Variants in ZNF837 observed in about 807,000 individuals in gnomAD.
ZNF837 encodes the protein zinc finger protein 837.
For synonymous variants in ZNF837, 475 were observed against 365.2 expected, an observed-to-expected ratio of 1.30 and a Z score of -3.43; for missense variants, 955 against 801.7, an observed-to-expected ratio of 1.19 and a Z score of -2.31.
chr19:58,367,750 C>A lies in ZNF837; in HGVS notation c.1583G>T (p.Arg528Leu). ...GGCTCCCTGCAGTCAAGGCGCGGCG[C>A]GGCCCCCGTGCCGCTTCCGGTGCTC... is the stretch of plus-strand genomic sequence containing the variant. The part of the protein sequence containing the change: ...LNEHRKRHGG[R>L]AAP The change falls in exon 3 of 3, where the codon CGC becomes CTC. Residue 528 changes from arginine to leucine, a missense_variant. Physicochemically the swap from Arg to Leu is moderately radical, Grantham distance 102. Transcript: ENST00000597582. 6.5e-7 allele frequency: 1 copy of A among 1,526,800 alleles called. No individual in the cohort carries two copies. The highest frequency in any genetic ancestry group is 8.8e-7 in the Non-Finnish European group (1 of 1,142,684). 94.6% of individuals were successfully genotyped at this position (1,526,800 alleles called of 1,614,324 possible).
Position 58,368,748 on chromosome 19 carries a change from C to G in ZNF837, c.585G>C (p.Glu195Asp), listed in dbSNP as rs1282789677. The G allele has an allele frequency of 2.6e-6, 4 of 1,539,450 alleles. No homozygotes were observed. The African/African-American group carries it at 5.5e-5, about 21-fold the overall frequency. Residue 195 changes from glutamate (E) to aspartate (D), a missense_variant, in exon 3 of 3, where the codon GAG (glutamate) becomes GAC (aspartate). Glu to Asp is a conservative substitution (Grantham distance 45). Coordinates refer to ENST00000597582, the MANE Select transcript of ZNF837 (RefSeq NM_138466.2). The part of the protein sequence containing the change: ...PTSRGRNPLV[E>D]QPRACACGEA... ...CGCCGCACGCGCAAGCCCGGGGCTG[C>G]TCCACCAAGGGGTTCCTCCCGCGGG...
intron 1 of ZNF837, among the ~76,000 whole-genome samples, chr19:58,374,079 C>T (rs1189060495): frequency 6.6e-6 from 1 of 152,204 alleles, no homozygotes; most frequent in African/African-American, 2.4e-5. Flanking sequence ...ACAGAACACA[C>T]TCCCACCTGG....
intron 1 of ZNF837, among the ~76,000 whole-genome samples, chr19:58,376,917 TAAA>T (rs34562043): frequency 6.5e-5 from 9 of 138,816 alleles, no homozygotes; most frequent in Non-Finnish European, 7.8e-5. Flanking sequence ...CTGTCTCTAT[TAAA>T]AAAAAAAAAA....
Position 58,368,977 on chromosome 19 carries a change from G to T in ZNF837, c.356C>A (p.Ala119Glu). 6.5e-7 allele frequency: 1 copy of T among 1,531,174 alleles called. No individual in the cohort carries two copies. Among genetic ancestry groups the T allele is most frequent in the Non-Finnish European group, 8.8e-7 (1 of 1,135,682 alleles). The allele number at this position is 1,531,174 out of a possible 1,614,324, so 94.8% of individuals were successfully genotyped here. ...GTTCCTGCTGCAGTCCCCGCCACGC[G>T]CTGGGCTCCTACAGGGGCCCTCCCG... ...QAREGPCRSPARGGDCSRNSC... is the reference protein window; with the variant it reads ...QAREGPCRSPERGGDCSRNSC... Residue 119 changes from alanine (A) to glutamate (E), a missense_variant, in exon 3 of 3, where the codon GCG (alanine) becomes GAG (glutamate). Transcript: ENST00000597582.
rs1370753752 is a variant in ZNF837, at chr19:58,367,952, C to G, written c.1381G>C (p.Glu461Gln). Residue 461 changes from glutamate (E) to glutamine (Q), a missense_variant, in exon 3 of 3, where the codon GAG (glutamate) becomes CAG (glutamine). Transcript: ENST00000597582. ...TGCAGGCGCTCGTGCTGGCGCAGCT[C>G]GGAGCAGCCGCGGAAGGTCTTTCCG... ...ECGKTFRGCS[E>Q]LRQHERLHSG... The G allele has an allele frequency of 5.2e-6, 8 of 1,532,474 alleles. No homozygotes were observed. Among genetic ancestry groups the G allele is most frequent in the East Asian group, 2.5e-5 (1 of 40,696 alleles). 94.9% of individuals were successfully genotyped at this position (1,532,474 alleles called of 1,614,324 possible).
At position 58,367,643 on chromosome 19, in the gene ZNF837, C is replaced by A; in HGVS notation, c.*94G>T. 1 of 1,408,660 alleles carries A rather than the reference C, an allele frequency of 7.1e-7. No individual in the cohort carries two copies. The highest frequency in any genetic ancestry group is 1.5e-5 in the South Asian group (1 of 66,920). The allele number at this position is 1,408,660 out of a possible 1,614,324, so 87.3% of individuals were successfully genotyped here. A position where few individuals can be genotyped will look rare whatever the true frequency, so the allele number is the denominator to read the frequency against. On this transcript the variant is annotated 3_prime_UTR_variant, in exon 3 of 3. Coordinates refer to ENST00000597582, the MANE Select transcript of ZNF837 (RefSeq NM_138466.2). ...CCATGTGTACAAAGTGAAGTTTAAT[C>A]AAAGTTACAAACGTTGGTGGGTTTT... is the stretch of plus-strand genomic sequence containing the variant.
Position 58,369,094 on chromosome 19 carries a change from T to A in ZNF837, c.239A>T (p.His80Leu), listed in dbSNP as rs2052175427. 6.6e-7 allele frequency: 1 copy of A among 1,510,070 alleles called. No individual in the cohort carries two copies. Among genetic ancestry groups the A allele is most frequent in the Non-Finnish European group, 8.9e-7 (1 of 1,129,444 alleles). The allele number at this position is 1,510,070 out of a possible 1,614,324, so 93.5% of individuals were successfully genotyped here. A position where few individuals can be genotyped will look rare whatever the true frequency, so the allele number is the denominator to read the frequency against. The change falls in exon 3 of 3, where the codon CAC becomes CTC. Residue 80 changes from histidine to leucine, a missense_variant. By Grantham distance (99) the His-to-Leu change is moderately conservative. Coordinates refer to ENST00000597582, the MANE Select transcript of ZNF837 (RefSeq NM_138466.2). The part of the protein sequence containing the change: ...LGVSPGPGTR[H>L]SAGTRPLVRE... ...CACGAGGGGTCTGGTCCCGGCGCTG[T>A]GCCGGGTCCCCGGGCCGGGGCTCAC...
intron 1 of ZNF837, among the ~76,000 whole-genome samples, chr19:58,371,240 CAAAA>C (rs369666456): frequency 1.0e-5 from 1 of 99,622 alleles, no homozygotes; most frequent in Admixed American, 1.1e-4. Context: ...GACTCTGTCT[CAAAA>C]AAAAAAAAAA....
intron 1 of ZNF837, among the ~76,000 whole-genome samples, chr19:58,371,154 T>C (rs2122122575): frequency 6.7e-6 from 1 of 149,382 alleles, no homozygotes; most frequent in African/African-American, 2.5e-5. Flanking sequence ...GGCAGGAGAC[T>C]GGTGTGAACC....
At position 58,367,687 on chromosome 19, in the gene ZNF837, C is replaced by T; in HGVS notation, c.*50G>A. On this transcript the variant is annotated 3_prime_UTR_variant, in exon 3 of 3. Transcript: ENST00000597582. ...GGGTTTTCCGGGACAAAGGCCCCTC[C>T]TCGACGCAGGGTTCGCTTGGGCGAC... The T allele has an allele frequency of 6.9e-7, 1 of 1,447,752 alleles. No homozygotes were observed. The highest frequency in any genetic ancestry group is 1.4e-5 in the South Asian group (1 of 71,082). The allele number at this position is 1,447,752 out of a possible 1,614,324, so 89.7% of individuals were successfully genotyped here.
chr19:58,369,186 G>A lies in ZNF837; in HGVS notation c.147C>T (p.Asp49=). The stretch of plus-strand genomic sequence containing the variant: ...TCCTACCGCCCGCCGCTCCACGCAG[G>A]TCCCCCTTTTGAGTGGGGCGGCTCC... ...RAGSRPTQKG[D]LRGAAGGRTT... Residue 49 remains aspartate (D), a synonymous_variant, in exon 3 of 3, where the codon GAC becomes GAT. Coordinates refer to ENST00000597582, the MANE Select transcript of ZNF837 (RefSeq NM_138466.2). The A allele has an allele frequency of 6.9e-7, 1 of 1,450,214 alleles. No individual in the cohort carries two copies. The highest frequency in any genetic ancestry group is 1.4e-5 in the South Asian group (1 of 69,776). The allele number at this position is 1,450,214 out of a possible 1,614,324, so 89.8% of individuals were successfully genotyped here. A position where few individuals can be genotyped will look rare whatever the true frequency, so the allele number is the denominator to read the frequency against.
intron 1 of ZNF837, among the ~76,000 whole-genome samples, chr19:58,372,976 A>T (rs1282440596): frequency 1.3e-5 from 2 of 152,158 alleles, no homozygotes; most frequent in Non-Finnish European, 2.9e-5. Flanking sequence ...CAGGCCAGGC[A>T]TTTGCTAATA....
rs192381116 is a variant in ZNF837, at chr19:58,369,283, T to G, written c.50A>C (p.Asp17Ala). 7.1e-7 allele frequency: 1 copy of G among 1,406,566 alleles called. No individual in the cohort carries two copies. The highest frequency in any genetic ancestry group is 1.5e-5 in the African/African-American group (1 of 65,672). The allele number at this position is 1,406,566 out of a possible 1,614,324, so 87.1% of individuals were successfully genotyped here. A position where few individuals can be genotyped will look rare whatever the true frequency, so the allele number is the denominator to read the frequency against. Residue 17 changes from aspartate to alanine, a missense_variant, in exon 3 of 3, where the codon GAT (aspartate) becomes GCT (alanine). Asp to Ala is a moderately radical substitution (Grantham distance 126). Transcript: ENST00000597582. ...CCGGGCCCCGGAGGCACCCTGGGCA[T>G]CGGCCTTGGGGAGTCCTCCCTGCCC... is the stretch of plus-strand genomic sequence containing the variant. ...KAGQGGLPKA[D>A]AQGASGAREK... is the part of the protein sequence containing the mutation.
chr19:58,371,717 T>C (rs2052203745), intron 1 of ZNF837, among the ~76,000 whole-genome samples: 1 of 151,912 alleles, frequency 6.6e-6, no homozygotes, highest in African/African-American at 2.4e-5. Context: ...TCTTATTTTA[T>C]TTTATTTATT....
intron 1 of ZNF837, among the ~76,000 whole-genome samples, chr19:58,380,316 T>G (rs2052279646): frequency 6.6e-6 from 1 of 152,238 alleles, no homozygotes; most frequent in South Asian, 2.1e-4. Flanking sequence ...ATTAGCAAGC[T>G]TCAACCCTCG....
At chr19:58,375,803 T>G (rs10407096) in intron 1 of ZNF837, among the ~76,000 whole-genome samples, 60,683 of 150,984 alleles carry the variant, frequency 0.4, 12,639 homozygotes, top group Middle Eastern at 0.52. Context: ...CAGTGCTCCT[T>G]CCTGCAGCCT....
chr19:58,371,712 TTTTA>T (rs1395587751), intron 1 of ZNF837, among the ~76,000 whole-genome samples: 1 of 151,652 alleles, frequency 6.6e-6, no homozygotes, highest in Non-Finnish European at 1.5e-5. Flanking sequence ...TATCCTCTTA[TTTTA>T]TTTTATTTAT....
At chr19:58,372,828 A>C (rs2052213390) in intron 1 of ZNF837, among the ~76,000 whole-genome samples, 1 of 152,348 alleles carries the variant, frequency 6.6e-6, no homozygotes, top group South Asian at 2.1e-4. Flanking sequence ...ACAAAAATGC[A>C]GAGTTGGACA....
In ZNF837 at chr19:58,369,216, T is replaced by G. The variant is rs1203635446; in HGVS notation, c.117A>C (p.Arg39=). 2 of 1,439,046 alleles carry G rather than the reference T, an allele frequency of 1.4e-6. No homozygotes were observed. Among genetic ancestry groups the G allele is most frequent in the Non-Finnish European group, 1.8e-6 (2 of 1,098,786 alleles). The allele number at this position is 1,439,046 out of a possible 1,614,324, so 89.1% of individuals were successfully genotyped here. Residue 39 remains arginine (R), a synonymous_variant, in exon 3 of 3, where the codon CGA becomes CGC. Transcript: ENST00000597582. ...PEEPRPLEED[R]AGSRPTQKGD... is the part of the protein sequence containing the mutation. ...CCTTTTGAGTGGGGCGGCTCCCAGCTCGGTCCTCTTCGAGGGGCCTCGGCT... is the reference window on the plus strand; with the variant it reads ...CCTTTTGAGTGGGGCGGCTCCCAGCGCGGTCCTCTTCGAGGGGCCTCGGCT...
Sources: gnomAD v4.1 joint callset for allele counts (sites outside exome capture counted in the v4.1 genomes callset) on GRCh38, gnomAD v4.1.1 for gene constraint, MANE v1.5 for transcripts, NCBI Gene and HGNC (gene_info 2026-07-23, HGNC 2026-07-21) for gene names.